The following LPP variants were observed in gnomAD, a reference collection of about 807,000 sequenced individuals.
The protein encoded by LPP is lipoma-preferred partner.
Under a neutral mutation model 60.4 loss-of-function variants are expected in LPP, and 38 were observed. The ratio of observed to expected loss-of-function variants is 0.63; its 90% CI spans 0.49 to 0.83. LPP has a LOEUF of 0.83. Ranked by LOEUF, LPP falls within the 40% of genes least tolerant of loss-of-function variation. LPP has a pLI of 0.00. For missense variants in LPP, 902 were observed against 783.6 expected (o/e 1.15, Z -1.80); for synonymous variants, 328 against 290.8 (o/e 1.13, Z -1.30).
At position 188,609,610 on chromosome 3, in the gene LPP, G is replaced by C. The variant is rs2151376430; in HGVS notation, c.879G>C (p.Gln293His). 1 of 1,614,164 alleles carries C rather than the reference G, an allele frequency of 6.2e-7. No individual in the cohort carries two copies. The highest frequency in any genetic ancestry group is 1.7e-5 in the Admixed American group (1 of 60,012). ...CTGGGTATGGGTATGCCCCCAACCAGGGACGCTATTATGAAGGCTACTATG... is the reference window on the plus strand; with the variant it reads ...CTGGGTATGGGTATGCCCCCAACCACGGACGCTATTATGAAGGCTACTATG... ...PEPGYGYAPNQGRYYEGYYAA... is the reference protein window; with the variant it reads ...PEPGYGYAPNHGRYYEGYYAA... The change falls in exon 7 of 12, where the codon CAG (glutamine) becomes CAC (histidine). Residue 293 changes from glutamine to histidine, a missense_variant. By Grantham distance (24) the Gln-to-His change is conservative (BLOSUM62 0). Coordinates refer to ENST00000617246, the MANE Select transcript of LPP (RefSeq NM_001375462.1). This position sits in a 1 kb window ranked among gnomAD's most constrained non-coding sequence, Gnocchi z 6.9.
At chr3:188,798,158 T>G (rs974169123) in intron 9 of LPP, among the ~76,000 whole-genome samples, 1 of 152,200 alleles carries the variant, frequency 6.6e-6, no homozygotes, top group Non-Finnish European at 1.5e-5. Context: ...ATGACAAATT[T>G]AATAGTGAAT....
intron 7 of LPP, among the ~76,000 whole-genome samples, chr3:188,687,173 G>C (rs548322681): frequency 1.3e-5 from 2 of 152,250 alleles, no homozygotes; most frequent in South Asian, 2.1e-4. Context: ...CATCTAGTTC[G>C]GTTTCAGCTG....
At chr3:188,461,825 A>T (rs1799029844) in intron 4 of LPP, among the ~76,000 whole-genome samples, 1 of 152,140 alleles carries the variant, frequency 6.6e-6, no homozygotes, top group Admixed American at 6.6e-5. Flanking sequence ...TGGAAAATTT[A>T]GGCTGTTTTC....
intron 4 of LPP, among the ~76,000 whole-genome samples, chr3:188,458,147 T>C (rs1798191170): frequency 6.6e-6 from 1 of 152,156 alleles, no homozygotes; most frequent in Non-Finnish European, 1.5e-5. Context: ...ACCACAGTGG[T>C]ACTATTAGTT....
chr3:188,838,062 G>A (rs191480034), intron 9 of LPP, among the ~76,000 whole-genome samples: 206 of 152,264 alleles, frequency 1.4e-3, no homozygotes, highest in African/African-American at 4.8e-3. Flanking sequence ...CCCTAGTCTT[G>A]TTTGGTTGGG....
chr3:188,711,278 T>C (rs1866582012), intron 8 of LPP: 1 of 152,194 alleles, frequency 6.6e-6, no homozygotes, highest in African/African-American at 2.4e-5. Flanking sequence ...CTATATTTTA[T>C]TTACATTATA....
At chr3:188,546,715 A>C (rs924812004) in intron 6 of LPP, among the ~76,000 whole-genome samples, 2 of 152,212 alleles carry the variant, frequency 1.3e-5, no homozygotes, top group Admixed American at 1.3e-4. Flanking sequence ...AAGTTTAGCT[A>C]TCTGGTATTC....
chr3:188,300,959 G>T (rs1000879410), intron 2 of LPP, among the ~76,000 whole-genome samples: 6 of 152,096 alleles, frequency 3.9e-5, no homozygotes, highest in African/African-American at 1.4e-4. Context: ...TCCTAAGATT[G>T]ATCTTTTTTG....
At chr3:188,262,419 T>C (rs1733987215) in intron 2 of LPP, among the ~76,000 whole-genome samples, 1 of 152,032 alleles carries the variant, frequency 6.6e-6, no homozygotes, top group South Asian at 2.1e-4. Flanking sequence ...GTACCTGTAA[T>C]CCCACCCCTT....
At chr3:188,223,122 G>A (rs955143807) in intron 1 of LPP, among the ~76,000 whole-genome samples, 9 of 152,194 alleles carry the variant, frequency 5.9e-5, no homozygotes, top group African/African-American at 2.2e-4. Context: ...CAGCTGTAAA[G>A]AGTGAGGGCA....
intron 9 of LPP, among the ~76,000 whole-genome samples, chr3:188,793,446 T>G (rs752673265): frequency 1.3e-5 from 2 of 152,072 alleles, no homozygotes; most frequent in Non-Finnish European, 2.9e-5. Context: ...CCTCCCAAAC[T>G]GCTGGGATTA....
At chr3:188,519,248 A>T (rs1008686228) in intron 5 of LPP, among the ~76,000 whole-genome samples, 1 of 152,144 alleles carries the variant, frequency 6.6e-6, no homozygotes, top group African/African-American at 2.4e-5. Context: ...GGCCAAACTG[A>T]CCCTTGAGCT....
intron 9 of LPP, among the ~76,000 whole-genome samples, chr3:188,832,802 G>A (rs1000643820): frequency 3.3e-5 from 5 of 152,158 alleles, no homozygotes; most frequent in African/African-American, 1.2e-4. Context: ...GGTCTTCAGC[G>A]GGAGCCTAGG....
chr3:188,725,970 G>T lies in LPP; in HGVS notation c.1240+17577G>T, dbSNP rs578089460. Reference sequence around the variant, plus strand: ...ACACCAAAAAAAGTGCAATATGACTGCCAAAGAATATTGGAAGGAGAAATG... The same window carrying T: ...ACACCAAAAAAAGTGCAATATGACTTCCAAAGAATATTGGAAGGAGAAATG... On this transcript the variant is annotated intron_variant, in intron 8 of 11. Coordinates refer to ENST00000617246, the MANE Select transcript of LPP (RefSeq NM_001375462.1). 3.3e-5 allele frequency among the ~76,000 whole-genome samples: 5 copies of T among 152,252 alleles called. No homozygotes were observed. The South Asian group carries it at 8.3e-4, about 25-fold the overall frequency.
intron 2 of LPP, among the ~76,000 whole-genome samples, chr3:188,305,722 T>C (rs1255708862): frequency 6.6e-6 from 1 of 152,210 alleles, no homozygotes; most frequent in East Asian, 1.9e-4. Context: ...TATTGTGTTA[T>C]TTGAAGGTTT....
chr3:188,158,301 T>C (rs1178992989), intron 1 of LPP, among the ~76,000 whole-genome samples: 1 of 152,114 alleles, frequency 6.6e-6, no homozygotes, highest in Non-Finnish European at 1.5e-5. Context: ...GGGGAAGATA[T>C]AATCATGTTG....
At chr3:188,581,118 A>T (rs2150980230) in intron 6 of LPP, among the ~76,000 whole-genome samples, 1 of 152,242 alleles carries the variant, frequency 6.6e-6, no homozygotes, top group East Asian at 1.9e-4. Context: ...TAACACACAA[A>T]TGGACCATCA....
At chr3:188,817,421 T>C (rs2151399195) in intron 9 of LPP, among the ~76,000 whole-genome samples, 1 of 152,348 alleles carries the variant, frequency 6.6e-6, no homozygotes, top group African/African-American at 2.4e-5. Context: ...AAGATCCATT[T>C]TCAAATTTCA....
chr3:188,451,042 T>G (rs1236952022), intron 4 of LPP, among the ~76,000 whole-genome samples: 2 of 152,068 alleles, frequency 1.3e-5, no homozygotes, highest in Non-Finnish European at 2.9e-5. Context: ...GGCTCTGTGT[T>G]TTTTGTTTTT....
Sources: gnomAD v4.1 joint callset for allele counts (sites outside exome capture counted in the v4.1 genomes callset) on GRCh38, gnomAD v4.1.1 for gene constraint, Gnocchi (gnomAD v3.1) non-coding constraint, MANE v1.5 for transcripts, NCBI Gene and HGNC (gene_info 2026-07-23, HGNC 2026-07-21) for gene names.